FHL2: variants seen among roughly 807,000 people sequenced by gnomAD.
FHL2 encodes the protein four and a half LIM domains 2, also known as four and a half LIM domains protein 2.
A neutral mutation model predicts 32.7 loss-of-function variants in FHL2; 20 were observed. That is an observed-to-expected ratio of 0.61 (90% CI 0.43 to 0.89). The LOEUF (loss-of-function observed/expected upper bound fraction) is 0.89. Among genes scored for constraint, FHL2 ranks in the 40% least tolerant of loss-of-function variants. The pLI, the probability that FHL2 is intolerant of heterozygous loss-of-function variation, is 0.00. For missense variants in FHL2, 311 were observed against 358.6 expected, an observed-to-expected ratio of 0.87 and a Z score of 1.07; for synonymous variants, 123 against 128.1, an observed-to-expected ratio of 0.96 and a Z score of 0.27.
intron 2 of FHL2, among the ~76,000 whole-genome samples, chr2:105,394,169 C>A (rs1573364179): frequency 1.3e-5 from 2 of 152,130 alleles, no homozygotes; most frequent in South Asian, 2.1e-4. Flanking sequence ...AAACCGCTCA[C>A]CCCCAACACT....
chr2:105,382,674 T>A (rs1415663770), intron 3 of FHL2, among the ~76,000 whole-genome samples: 1 of 152,080 alleles, frequency 6.6e-6, no homozygotes, highest in East Asian at 1.9e-4. Flanking sequence ...GATCTGCAGA[T>A]CTTTTGTTCT....
Position 105,410,750 on chromosome 2 carries a change from C to A in FHL2, c.-24-24210G>T, listed in dbSNP as rs1421687196. 3.9e-5 allele frequency among the ~76,000 whole-genome samples: 6 copies of A among 152,044 alleles called. 1 individual carries two copies. In the South Asian group the frequency reaches 8.3e-4, roughly 21 times the overall value. On this transcript the variant is annotated intron_variant, in intron 1 of 5. Transcript: ENST00000393352. ...GCTTGTGTTTCTCTTATGCTGGAGA[C>A]CTGAGGTGTCCACACTGGTGGAAAA...
chr2:105,428,532 G>A (rs150400546), intron 1 of FHL2, among the ~76,000 whole-genome samples: 51 of 152,346 alleles, frequency 3.3e-4, no homozygotes, highest in Admixed American at 1.4e-3. Flanking sequence ...TAGGCCGCCA[G>A]CCTGACTCGG....
chr2:105,377,838 A>T, intron 3 of FHL2: 10 of 347,572 alleles, frequency 2.9e-5, no homozygotes, highest in East Asian at 2.3e-4. Context: ...GGGAGAGGGG[A>T]GGAGATCCTT....
intron 1 of FHL2, among the ~76,000 whole-genome samples, chr2:105,410,607 G>A (rs572672703): frequency 1.8e-4 from 27 of 152,238 alleles, no homozygotes; most frequent in African/African-American, 4.3e-4. Context: ...ATGTCACATC[G>A]TATGCTATTA....
chr2:105,427,118 ATGGTTTATAGCAGGGGACTGCAAATTT>A (rs1261775421), intron 1 of FHL2, among the ~76,000 whole-genome samples: 36 of 152,288 alleles, frequency 2.4e-4, no homozygotes, highest in African/African-American at 8.4e-4. Context: ...ACCTGCAAAG[ATGGTTTATAGCAGGGGACTGCAAATTT>A]TGGTGGCTGC....
chr2:105,433,119 C>T (rs1684485623), intron 1 of FHL2, among the ~76,000 whole-genome samples: 1 of 151,782 alleles, frequency 6.6e-6, no homozygotes, highest in African/African-American at 2.4e-5. Context: ...GGTGCTGAAA[C>T]TAAAGGGAGA....
At chr2:105,425,211 A>G (rs958945198) in intron 1 of FHL2, among the ~76,000 whole-genome samples, 2 of 132,230 alleles carry the variant, frequency 1.5e-5, no homozygotes, top group African/African-American at 6.3e-5. Context: ...TCACAAAAAC[A>G]TGTGTTGTAT....
chr2:105,420,196 A>T (rs1361150560), intron 1 of FHL2, among the ~76,000 whole-genome samples: 3 of 152,166 alleles, frequency 2.0e-5, no homozygotes, highest in Admixed American at 6.6e-5. Flanking sequence ...GTCCCTTCTG[A>T]GGGCTGTGAG....
Position 105,363,353 on chromosome 2 carries a change from G to A in FHL2, c.620C>T (p.Ala207Val). 2 of 1,614,188 alleles carry A rather than the reference G, an allele frequency of 1.2e-6. No individual in the cohort carries two copies. Among genetic ancestry groups the A allele is most frequent in the South Asian group, 1.1e-5 (1 of 91,080 alleles). ...GTCACAGAAGCAGTTCAGGCAGTAG[G>A]CAAAGTCATCGCGAGCTGTGAAGCG... ...GQRFTARDDF[A>V]YCLNCFCDLY... Residue 207 changes from alanine (A) to valine (V), a missense_variant, in exon 6 of 7, where the codon GCC (alanine) becomes GTC (valine). Transcript: ENST00000530340.
upstream of FHL2, among the ~76,000 whole-genome samples, chr2:105,403,484 A>G (rs1388647598): frequency 6.6e-6 from 1 of 152,212 alleles, no homozygotes; most frequent in African/African-American, 2.4e-5. Context: ...GGTGGGCTTC[A>G]GGGAGAGGCA....
chr2:105,410,382 G>A (rs1683755848), intron 1 of FHL2, among the ~76,000 whole-genome samples: 2 of 152,128 alleles, frequency 1.3e-5, no homozygotes, highest in Admixed American at 1.3e-4. Flanking sequence ...TCTGCTTCTA[G>A]AGGGTCCATG....
At chr2:105,414,267 C>T (rs1346132052) in intron 1 of FHL2, among the ~76,000 whole-genome samples, 1 of 152,166 alleles carries the variant, frequency 6.6e-6, no homozygotes, top group Non-Finnish European at 1.5e-5. Flanking sequence ...ATCCGGACAC[C>T]CATCTGAACC....
chr2:105,371,871 G>A (rs1681102625), intron 4 of FHL2, among the ~76,000 whole-genome samples: 1 of 152,154 alleles, frequency 6.6e-6, no homozygotes, highest in Non-Finnish European at 1.5e-5. Flanking sequence ...TCCCTGTGGG[G>A]CAGGACACAG....
At chr2:105,437,644 C>T (rs999974801) in intron 1 of FHL2, among the ~76,000 whole-genome samples, 8 of 152,158 alleles carry the variant, frequency 5.3e-5, no homozygotes, top group South Asian at 2.1e-4. Flanking sequence ...TTAGATTAGA[C>T]TTGATAAAGT....
chr2:105,367,508 G>T, intron 5 of FHL2, 62 bp downstream of exon 5: 1 of 1,520,270 alleles, frequency 6.6e-7, no homozygotes, highest in Non-Finnish European at 8.9e-7. Context: ...AGAACTGACA[G>T]ACATGGACCA....
chr2:105,395,604 T>C (rs1414826298), intron 2 of FHL2, among the ~76,000 whole-genome samples: 1 of 152,240 alleles, frequency 6.6e-6, no homozygotes, highest in Non-Finnish European at 1.5e-5. Context: ...CCCGAGAGGC[T>C]TGCACAGTTC....
chr2:105,373,819 G>A (rs1370008125), intron 3 of FHL2, 86 bp from the exon 4 acceptor site: 23 of 1,384,708 alleles, frequency 1.7e-5, no homozygotes, highest in Non-Finnish European at 1.9e-5. Context: ...GAATCTGCAG[G>A]GCAAACAAGG....
chr2:105,376,890 C>T (rs1034695371), intron 3 of FHL2: 2 of 152,176 alleles, frequency 1.3e-5, no homozygotes, highest in African/African-American at 4.8e-5. Flanking sequence ...GAGGACATGA[C>T]GTTAAGTGAA....
Sources: gnomAD v4.1 joint callset for allele counts (sites outside exome capture counted in the v4.1 genomes callset) on GRCh38, gnomAD v4.1.1 for gene constraint, MANE v1.5 for transcripts, NCBI Gene and HGNC (gene_info 2026-07-23, HGNC 2026-07-21) for gene names.